Variants in ICA1 observed in about 807,000 individuals in gnomAD.
ICA1 encodes the protein islet cell autoantigen 1.
In ICA1, 40 loss-of-function variants were observed where a neutral mutation model predicts 71.0. That is an observed-to-expected ratio of 0.56 (90% CI 0.44 to 0.73). ICA1 has a LOEUF of 0.73. ICA1 is among the 30% of genes least tolerant of loss of function. The pLI is 0.00. For synonymous variants in ICA1, 207 were observed against 209.5 expected (o/e 0.99, Z 0.10); for missense variants, 578 against 576.5 (o/e 1.00, Z -0.03).
Position 8,223,623 on chromosome 7 carries a change from T to C in ICA1, c.257-2225A>G, listed in dbSNP as rs1797737290. 2 of 154,280 alleles carry C rather than the reference T, an allele frequency of 1.3e-5. No individual in the cohort carries two copies. The highest frequency in any genetic ancestry group is 6.5e-5 in the Admixed American group (1 of 15,272). 9.6% of individuals were successfully genotyped at this position (154,280 alleles called of 1,614,324 possible). A position where few individuals can be genotyped will look rare whatever the true frequency, so the allele number is the denominator to read the frequency against. On this transcript the variant is annotated intron_variant, in intron 4 of 13. Coordinates refer to ENST00000402384, the MANE Select transcript of ICA1 (RefSeq NM_001136020.3). This position sits in a 1 kb window ranked among gnomAD's most constrained non-coding sequence, Gnocchi z 4.1. ...AGAAGTTTAAAATTCAGGTATAACA[T>C]AGGTATCAGGTAACGCAAAAGGGCT... is the stretch of plus-strand genomic sequence containing the variant.
intron 13 of ICA1, among the ~76,000 whole-genome samples, chr7:8,120,727 A>C (rs1270998682): frequency 1.3e-5 from 2 of 152,220 alleles, no homozygotes; most frequent in Non-Finnish European, 1.5e-5. Context: ...GAAACAAATA[A>C]AATTTTATTA....
chr7:8,143,806 G>A (rs1050966302), intron 9 of ICA1, 69 bp downstream of exon 9: 25 of 982,494 alleles, frequency 2.5e-5, no homozygotes, highest in Middle Eastern at 2.1e-4. Flanking sequence ...AGCCAGGTTC[G>A]GTCAGCGAGA....
At chr7:8,244,747 A>G (rs1805325327) in intron 1 of ICA1, among the ~76,000 whole-genome samples, 1 of 152,248 alleles carries the variant, frequency 6.6e-6, no homozygotes, top group Non-Finnish European at 1.5e-5. Flanking sequence ...AAGTGGGCAA[A>G]GGATATGAAC....
intron 9 of ICA1, among the ~76,000 whole-genome samples, chr7:8,142,798 C>A (rs1795664572): frequency 6.6e-6 from 1 of 152,178 alleles, no homozygotes; most frequent in Admixed American, 6.5e-5. Context: ...AGCACTATTA[C>A]CATCACCAGG....
At position 8,222,571 on chromosome 7, in the gene ICA1, C is replaced by T. The variant is rs1424133062; in HGVS notation, c.257-1173G>A. ...ATAATTGTAGGACATTAGGCAGGAA[C>T]CACAAATCCAAAGGTGAAGGCTAAA... On this transcript the variant is annotated intron_variant, in intron 4 of 13. Coordinates refer to ENST00000402384, the MANE Select transcript of ICA1 (RefSeq NM_001136020.3). This position sits in a 1 kb window ranked among gnomAD's most constrained non-coding sequence, Gnocchi z 4.8. Among the ~76,000 whole-genome samples, 5 of 152,164 alleles carry T rather than the reference C, an allele frequency of 3.3e-5. No individual in the cohort carries two copies. The highest frequency in any genetic ancestry group is 1.5e-5 in the Non-Finnish European group (1 of 68,030).
At chr7:8,136,198 G>T (rs561929466) in intron 12 of ICA1, among the ~76,000 whole-genome samples, 2 of 152,054 alleles carry the variant, frequency 1.3e-5, no homozygotes, top group Admixed American at 6.6e-5. Flanking sequence ...CTGTTGTCAC[G>T]AGCGGTCTGC....
At chr7:8,243,437 A>T (rs1173835612) in intron 1 of ICA1, among the ~76,000 whole-genome samples, 2 of 152,234 alleles carry the variant, frequency 1.3e-5, no homozygotes, top group Non-Finnish European at 2.9e-5. Context: ...AGAGCTATTT[A>T]TGACAAACCC....
chr7:8,232,731 A>G lies in ICA1; in HGVS notation c.42T>C (p.Asp14=), dbSNP rs562491278. ...CAACTGACTTATCTTGAGCATATCG[A>G]TCCTGTAAGTCCCAGGGATAACTGC... The part of the protein sequence containing the change: ...HKCSYPWDLQ[D]RYAQDKSVVN... The change falls in exon 3 of 14, where the codon GAT becomes GAC. Residue 14 remains aspartate (D), a synonymous_variant. Transcript: ENST00000402384. 8 of 1,604,462 alleles carry G rather than the reference A, an allele frequency of 5.0e-6. No homozygotes were observed. In the African/African-American group the frequency reaches 8.0e-5, roughly 16 times the overall value.
chr7:8,195,756 G>T (rs1046570580), intron 6 of ICA1, among the ~76,000 whole-genome samples: 4 of 151,800 alleles, frequency 2.6e-5, no homozygotes, highest in Non-Finnish European at 2.9e-5. Context: ...AAGGCGGGAG[G>T]ATCACGAGGT....
Position 8,144,359 on chromosome 7 carries a change from T to A in ICA1, c.805-387A>T, listed in dbSNP as rs542455579. Among the ~76,000 whole-genome samples the A allele has an allele frequency of 1.3e-5, 2 of 152,360 alleles. No homozygotes were observed. The highest frequency in any genetic ancestry group is 2.9e-5 in the Non-Finnish European group (2 of 68,028). ...GTTCGCAGCCCACACACTGACAAAG[T>A]AGAAGTTCCTCCCACCTCCACCAGA... On this transcript the variant is annotated intron_variant, in intron 8 of 13. Coordinates refer to ENST00000402384, the MANE Select transcript of ICA1 (RefSeq NM_001136020.3). This position sits in a 1 kb window ranked among gnomAD's most constrained non-coding sequence, Gnocchi z 4.5.
chr7:8,149,410 T>C (rs1314623798), intron 8 of ICA1, among the ~76,000 whole-genome samples: 1 of 152,250 alleles, frequency 6.6e-6, no homozygotes, highest in Non-Finnish European at 1.5e-5. Flanking sequence ...TTTCCATCCA[T>C]GCTTAAATGG....
Position 8,226,002 on chromosome 7 carries a change from A to T in ICA1, c.256+2599T>A, listed in dbSNP as rs938199502. Among the ~76,000 whole-genome samples, 1 of 152,106 alleles carries T rather than the reference A, an allele frequency of 6.6e-6. No homozygotes were observed. Among genetic ancestry groups the T allele is most frequent in the Non-Finnish European group, 1.5e-5 (1 of 68,008 alleles). On this transcript the variant is annotated intron_variant, in intron 4 of 13. Transcript: ENST00000402384. The surrounding 1 kb of genome is among the most constrained non-coding windows in gnomAD (Gnocchi z 4.4). ...TTAAAAATAATTATGTTCCAAAACT[A>T]CTGAGGTTAGTTCTTTTTTTTTCTG...
At position 8,221,407 on chromosome 7, in the gene ICA1, GA is replaced by G; in HGVS notation, c.257-10del. On this transcript the variant is annotated splice_polypyrimidine_tract_variant and intron_variant, in intron 4 of 13. Transcript: ENST00000402384. ...TTCTTCTTGAGACAAGACTGATGAA[GA>G]AAAGACCAAAAGGAGCCATGAACAA... 1 of 1,612,606 alleles carries G rather than the reference GA, an allele frequency of 6.2e-7. No individual in the cohort carries two copies. Among genetic ancestry groups the G allele is most frequent in the Non-Finnish European group, 8.5e-7 (1 of 1,179,056 alleles).
rs559517167 is a variant in ICA1 at position 8,220,675 on chromosome 7, C to T, written c.380+600G>A. 1.5e-3 allele frequency among the ~76,000 whole-genome samples: 224 copies of T among 152,224 alleles called. 3 individuals carry two copies. The highest frequency in any genetic ancestry group is 5.3e-3 in the African/African-American group (220 of 41,520). On this transcript the variant is annotated intron_variant, in intron 5 of 13. Transcript: ENST00000402384. ...GTTAAAAAAAAATGCCACTCATCTA[C>T]CACAATTTTCCCTGTACCAGAGCTT...
chr7:8,116,230 A>ATTACCTTTCACTGCAGGGCTGTTG (rs1784756540), intron 13 of ICA1: 2 of 152,224 alleles, frequency 1.3e-5, no homozygotes, highest in African/African-American at 4.8e-5. Flanking sequence ...AAATGCTGTT[A>ATTACCTTTCACTGCAGGGCTGTTG]TTACCTTTCA....
chr7:8,199,508 T>G (rs1408068679), intron 6 of ICA1, among the ~76,000 whole-genome samples: 6 of 152,088 alleles, frequency 3.9e-5, no homozygotes, highest in Non-Finnish European at 5.9e-5. Flanking sequence ...GTCAGGAGTT[T>G]GAGACCAGCT....
At chr7:8,149,999 C>T (rs79803097) in intron 8 of ICA1, among the ~76,000 whole-genome samples, 1 of 152,178 alleles carries the variant, frequency 6.6e-6, no homozygotes, top group African/African-American at 2.4e-5. Flanking sequence ...ATATAAGAAA[C>T]ACTATTACTC....
intron 10 of ICA1, among the ~76,000 whole-genome samples, chr7:8,141,285 T>A (rs1487286642): frequency 6.6e-6 from 1 of 152,202 alleles, no homozygotes; most frequent in Non-Finnish European, 1.5e-5. Context: ...CAGGGGTTGC[T>A]TGGCACTGGC....
chr7:8,124,363 C>T (rs180719743), intron 13 of ICA1, among the ~76,000 whole-genome samples: 5 of 151,908 alleles, frequency 3.3e-5, no homozygotes, highest in Non-Finnish European at 5.9e-5. Flanking sequence ...TCATGATCCG[C>T]CCACCTCGGC....
Sources: allele counts gnomAD v4.1 joint callset (sites outside exome capture counted in the v4.1 genomes callset), GRCh38; gene constraint gnomAD v4.1.1; non-coding constraint Gnocchi (gnomAD v3.1); transcripts MANE v1.5; gene names NCBI Gene and HGNC (gene_info 2026-07-23, HGNC 2026-07-21).